The following ZNF728 variants were observed in gnomAD, a reference collection of about 807,000 sequenced individuals.
ZNF728 encodes zinc finger protein 728.
ZNF728 carries 12 observed loss-of-function variants against 12.5 expected under a neutral mutation model. That is an observed-to-expected ratio of 0.96 (90% CI 0.61 to 1.55). The LOEUF (loss-of-function observed/expected upper bound fraction) is 1.55. ZNF728 is among the 40% of genes most tolerant of loss of function. The pLI, the probability that ZNF728 is intolerant of heterozygous loss-of-function variation, is 0.00. For synonymous variants in ZNF728, 205 were observed against 240.7 expected, an observed-to-expected ratio of 0.85 and a Z score of 1.37; for missense variants, 692 against 719.2, an observed-to-expected ratio of 0.96 and a Z score of 0.43.
At chr19:22,984,900 G>A (rs2145339524) in intron 3 of ZNF728, among the ~76,000 whole-genome samples, 1 of 152,034 alleles carries the variant, frequency 6.6e-6, no homozygotes, top group South Asian at 2.1e-4. Context: ...GACATTCCAA[G>A]CTACAGAATT....
Position 22,975,740 on chromosome 19 carries a change from C to T in ZNF728, c.1597G>A (p.Glu533Lys), listed in dbSNP as rs763218028. 6 of 1,611,228 alleles carry T rather than the reference C, an allele frequency of 3.7e-6. No individual in the cohort carries two copies. The highest frequency in any genetic ancestry group is 5.1e-6 in the Non-Finnish European group (6 of 1,179,808). ...CATTCTTCACATTTGTATTGTTTCTCTCCAGTATGAATTACCTTATGTTTA... is the reference window on the plus strand; with the variant it reads ...CATTCTTCACATTTGTATTGTTTCTTTCCAGTATGAATTACCTTATGTTTA... ...LTKHKVIHTGEKQYKCEECGK... is the reference protein window; with the variant it reads ...LTKHKVIHTGKKQYKCEECGK... Residue 533 changes from glutamate (E) to lysine (K), a missense_variant, in exon 4 of 4, where the codon GAG (glutamate) becomes AAG (lysine). Physicochemically the swap from Glu to Lys is moderately conservative, Grantham distance 56 (BLOSUM62 1). Coordinates refer to ENST00000594710, the MANE Select transcript of ZNF728 (RefSeq NM_001267716.2).
In ZNF728 at chr19:22,975,923, C is replaced by T. The variant is rs571620706; in HGVS notation, c.1414G>A (p.Ala472Thr). ...TAGAGTTTCTCTCCAGCATGAATTG[C>T]CTTATGTGTAGTAAGGCTTGAGGAC... is the stretch of plus-strand genomic sequence containing the variant. ...SWSSSLTTHK[A>T]IHAGEKLYKC... Residue 472 changes from alanine to threonine, a missense_variant, in exon 4 of 4, where the codon GCA (alanine) becomes ACA (threonine). Physicochemically the swap from Ala to Thr is moderately conservative, Grantham distance 58. This residue lies in a region of ZNF728 where 244 missense variants were observed against 235.2 expected (regional missense o/e 1.04). Transcript: ENST00000594710. The T allele has an allele frequency of 4.1e-4, 655 of 1,591,154 alleles. 1 individual carries two copies. The highest frequency in any genetic ancestry group is 5.1e-4 in the Non-Finnish European group (594 of 1,168,338).
intron 1 of ZNF728, among the ~76,000 whole-genome samples, chr19:22,998,950 A>T (rs569593942): frequency 2.0e-5 from 3 of 152,218 alleles, no homozygotes; most frequent in Non-Finnish European, 4.4e-5. Flanking sequence ...AGTGGTCAAC[A>T]TAAAATACTT....
chr19:22,990,774 T>C (rs979079944), intron 1 of ZNF728, among the ~76,000 whole-genome samples: 50 of 151,800 alleles, frequency 3.3e-4, no homozygotes, highest in African/African-American at 1.1e-3. Flanking sequence ...ACAGAATCCA[T>C]GGAAAGGGCA....
intron 1 of ZNF728, among the ~76,000 whole-genome samples, chr19:22,997,915 CATAT>C (rs1242572453): frequency 6.6e-6 from 1 of 151,586 alleles, no homozygotes; most frequent in Non-Finnish European, 1.5e-5. Flanking sequence ...GGCTAACAAG[CATAT>C]AAAAAAATGC....
intron 3 of ZNF728, among the ~76,000 whole-genome samples, chr19:22,980,248 A>C (rs1288903265): frequency 6.6e-6 from 1 of 152,094 alleles, no homozygotes; most frequent in African/African-American, 2.4e-5. Context: ...CTGATAAAAC[A>C]GACTTTAAAC....
Position 22,976,576 on chromosome 19 carries a change from T to C in ZNF728, c.761A>G (p.Lys254Arg). 6.2e-7 allele frequency: 1 copy of C among 1,611,212 alleles called. No individual in the cohort carries two copies. The highest frequency in any genetic ancestry group is 2.2e-5 in the East Asian group (1 of 44,800). ...TKHKVIHTGE[K>R]HYKCEECGKA... ...GCCACATTCTTCACATTTGTAATGT[T>C]TCTCTCCAGTATGAATTACCTTATG... The change falls in exon 4 of 4, where the codon AAA becomes AGA. Residue 254 changes from lysine to arginine, a missense_variant. Lys to Arg is a conservative substitution (Grantham distance 26). Around this residue, in one of 3 missense-constraint regions of ZNF728, gnomAD observed 440 missense variants for 459.6 expected, o/e 0.96. Coordinates refer to ENST00000594710, the MANE Select transcript of ZNF728 (RefSeq NM_001267716.2).
At chr19:22,983,713 G>A (rs1191265393) in intron 3 of ZNF728, among the ~76,000 whole-genome samples, 1 of 152,030 alleles carries the variant, frequency 6.6e-6, no homozygotes, top group Non-Finnish European at 1.5e-5. Flanking sequence ...GCAGAGACAT[G>A]GATAAAGCTG....
intron 3 of ZNF728, among the ~76,000 whole-genome samples, chr19:22,979,780 G>A (rs1968842566): frequency 6.6e-6 from 1 of 151,768 alleles, no homozygotes; most frequent in Admixed American, 6.6e-5. Context: ...AAGTGAAGGA[G>A]AAATAAAATC....
At position 22,975,852 on chromosome 19, in the gene ZNF728, A is replaced by C. The variant is rs529194254; in HGVS notation, c.1485T>G (p.Leu495=). 19 of 1,612,396 alleles carry C rather than the reference A, an allele frequency of 1.2e-5. No homozygotes were observed. In the South Asian group the frequency reaches 2.0e-4, roughly 17 times the overall value. Residue 495 remains leucine (L), a synonymous_variant, in exon 4 of 4, where the codon CTT becomes CTG. Coordinates refer to ENST00000594710, the MANE Select transcript of ZNF728 (RefSeq NM_001267716.2). ...CAGTATGAATTCTCTTATGTTCCAT[A>C]AGGTTTGAGGACCACTTAAAGGCTT... The part of the protein sequence containing the change: ...CGKAFKWSSN[L]MEHKRIHTGE...
intron 3 of ZNF728, among the ~76,000 whole-genome samples, chr19:22,977,443 T>C (rs370010274): frequency 2.3e-4 from 35 of 152,096 alleles, no homozygotes; most frequent in African/African-American, 6.3e-4. Flanking sequence ...TGTCAACTTC[T>C]GTTTTTTTTT....
At chr19:22,999,224 T>C (rs1969081087) in intron 1 of ZNF728, among the ~76,000 whole-genome samples, 1 of 152,240 alleles carries the variant, frequency 6.6e-6, no homozygotes, top group African/African-American at 2.4e-5. Context: ...GATCTTATAG[T>C]TGGTACTTCC....
In ZNF728 at chr19:22,976,203, G is replaced by A; in HGVS notation, c.1134C>T (p.Ser378=). 6.2e-7 allele frequency: 1 copy of A among 1,609,648 alleles called. No individual in the cohort carries two copies. The highest frequency in any genetic ancestry group is 8.5e-7 in the Non-Finnish European group (1 of 1,178,780). The change falls in exon 4 of 4, where the codon AGC becomes AGT. Residue 378 remains serine (S), a synonymous_variant. Transcript: ENST00000594710. ...TGTGTTCAGTAAGGCTTGAGGGCCA[G>A]CTGAAGGCTTTGCCACATTCTTCAC... The part of the protein sequence containing the change: ...YKCEECGKAF[S]WPSSLTEHKR...
At chr19:22,998,564 C>G (rs187106702) in intron 1 of ZNF728, among the ~76,000 whole-genome samples, 126 of 152,218 alleles carry the variant, frequency 8.3e-4, no homozygotes, top group Admixed American at 3.1e-3. Flanking sequence ...TGCTTCTGAC[C>G]TACTGTTTAA....
Position 23,003,162 on chromosome 19 carries a change from G to T in ZNF728, c.-132C>A. 2 of 1,092,662 alleles carry T rather than the reference G, an allele frequency of 1.8e-6. No homozygotes were observed. The highest frequency in any genetic ancestry group is 2.6e-6 in the Non-Finnish European group (2 of 779,646). 67.7% of individuals were successfully genotyped at this position (1,092,662 alleles called of 1,614,324 possible). On this transcript the variant is annotated 5_prime_UTR_variant, in exon 1 of 4. Coordinates refer to ENST00000594710, the MANE Select transcript of ZNF728 (RefSeq NM_001267716.2). ...AAGGACGACACCTTGACCTCCGCGT[G>T]CAGCGAGAGCCAACGGTCCTACCAC... is the stretch of plus-strand genomic sequence containing the variant.
intron 1 of ZNF728, among the ~76,000 whole-genome samples, chr19:23,000,710 A>G (rs1021978254): frequency 1.3e-5 from 2 of 151,772 alleles, no homozygotes; most frequent in Non-Finnish European, 2.9e-5. Flanking sequence ...TCTACTAAAA[A>G]TACAAAAAGT....
At position 22,975,612 on chromosome 19, in the gene ZNF728, C is replaced by A; in HGVS notation, c.1725G>T (p.Trp575Cys). The change falls in exon 4 of 4, where the codon TGG becomes TGT. Residue 575 changes from tryptophan (W) to cysteine (C), a missense_variant. Trp to Cys is a radical substitution (Grantham distance 215, BLOSUM62 -2). This residue lies in a region of ZNF728 where 244 missense variants were observed against 235.2 expected (regional missense o/e 1.04). Coordinates refer to ENST00000594710, the MANE Select transcript of ZNF728 (RefSeq NM_001267716.2). The part of the protein sequence containing the change: ...KCEECGKAFS[W>C]VSVLNKHKKI... ...TCTTATGTTTGTTAAGGACTGAGAC[C>A]CAGCTAAAGGCTTTGCCACATTCTT... The A allele has an allele frequency of 6.2e-7, 1 of 1,610,244 alleles. No homozygotes were observed. The highest frequency in any genetic ancestry group is 1.1e-5 in the South Asian group (1 of 90,964).
intron 1 of ZNF728, among the ~76,000 whole-genome samples, chr19:22,989,135 G>A (rs1288045686): frequency 1.3e-5 from 2 of 151,198 alleles, no homozygotes; most frequent in African/African-American, 4.9e-5. Flanking sequence ...TTGTTCAGAT[G>A]GAATAGACAT....
In ZNF728 at chr19:22,976,972, T is replaced by C. The variant is rs1406584474; in HGVS notation, c.365A>G (p.Glu122Gly). ...ATAACCTTTTTTGTGCACCTTACAC[T>C]CATCCACATTGGTACAACCAATTTT... The part of the protein sequence containing the change: ...QLKIGCTNVD[E>G]CKVHKKGYNK... The change falls in exon 4 of 4, where the codon GAG (glutamate) becomes GGG (glycine). Residue 122 changes from glutamate to glycine, a missense_variant. Physicochemically the swap from Glu to Gly is moderately conservative, Grantham distance 98 (BLOSUM62 -2). This residue lies in a region of ZNF728 where 440 missense variants were observed against 459.6 expected (regional missense o/e 0.96). Coordinates refer to ENST00000594710, the MANE Select transcript of ZNF728 (RefSeq NM_001267716.2). 6.2e-7 allele frequency: 1 copy of C among 1,613,596 alleles called. No individual in the cohort carries two copies. The highest frequency in any genetic ancestry group is 1.1e-5 in the South Asian group (1 of 91,080).
Sources: gnomAD v4.1 joint callset for allele counts (sites outside exome capture counted in the v4.1 genomes callset) on GRCh38, gnomAD v4.1.1 for gene constraint, gnomAD v4.1.1 regional missense constraint, MANE v1.5 for transcripts, NCBI Gene and HGNC (gene_info 2026-07-23, HGNC 2026-07-21) for gene names.